The following TNKS2 variants were observed in gnomAD, a reference collection of about 807,000 sequenced individuals.
The protein encoded by TNKS2 is tankyrase 2.
A neutral mutation model predicts 137.6 loss-of-function variants in TNKS2; 72 were observed. The observed-to-expected ratio is 0.52, with a 90% confidence interval of 0.43 to 0.64. TNKS2 has a LOEUF of 0.64. Among genes scored for constraint, TNKS2 ranks in the 30% least tolerant of loss-of-function variants. The probability of loss-of-function intolerance (pLI) is 0.00; values close to 1 mark genes in which losing one functional copy is unlikely to be tolerated. For missense variants in TNKS2, 1,049 were observed against 1,410.2 expected, an observed-to-expected ratio of 0.74 and a Z score of 4.10; for synonymous variants, 516 against 512.1, an observed-to-expected ratio of 1.01 and a Z score of -0.10.
At chr10:91,856,706 T>C (rs556893289) in intron 23 of TNKS2, among the ~76,000 whole-genome samples, 3 of 152,344 alleles carry the variant, frequency 2.0e-5, no homozygotes, top group Admixed American at 2.0e-4. Context: ...TTGTTCCTTT[T>C]TAATGCATAA....
At chr10:91,815,678 C>A (rs1042140493) in intron 2 of TNKS2, among the ~76,000 whole-genome samples, 5 of 151,856 alleles carry the variant, frequency 3.3e-5, no homozygotes, top group African/African-American at 1.2e-4. Context: ...GAAATCTGTT[C>A]AAATTAATTT....
chr10:91,835,918 C>CT (rs1234716206), intron 12 of TNKS2, among the ~76,000 whole-genome samples: 1 of 150,304 alleles, frequency 6.7e-6, no homozygotes, highest in Non-Finnish European at 1.5e-5. Context: ...AACCATGTCT[C>CT]TTTTTTGTAT....
At chr10:91,861,713 G>A (rs1216467081) in intron 25 of TNKS2, among the ~76,000 whole-genome samples, 1 of 152,072 alleles carries the variant, frequency 6.6e-6, no homozygotes, top group Admixed American at 6.6e-5. Flanking sequence ...AGTGACTTTT[G>A]TTTTTTGCTG....
At chr10:91,807,967 G>T (rs1844382199) in intron 1 of TNKS2, among the ~76,000 whole-genome samples, 1 of 145,870 alleles carries the variant, frequency 6.9e-6, no homozygotes, top group Non-Finnish European at 1.5e-5. Flanking sequence ...CTGCACTTCA[G>T]CCTGGGGGAC....
rs532675978 is a variant in TNKS2 at position 91,854,622 on chromosome 10, G to A, written c.2816-407G>A. Among the ~76,000 whole-genome samples, 20 of 152,108 alleles carry A rather than the reference G, an allele frequency of 1.3e-4. 1 individual carries two copies. The highest frequency in any genetic ancestry group is 4.6e-4 in the African/African-American group (19 of 41,478). On this transcript the variant is annotated intron_variant, in intron 21 of 26. Transcript: ENST00000371627. ...AATGTTTTTAAAATTGATAGTAAGC[G>A]GCCAGGTGCAGTGGCTCACACCTGT...
chr10:91,855,401 T>C (rs1438841594), intron 22 of TNKS2, among the ~76,000 whole-genome samples: 1 of 152,224 alleles, frequency 6.6e-6, no homozygotes, highest in African/African-American at 2.4e-5. Flanking sequence ...TTGCCCAGGC[T>C]GGTCTTGAAC....
rs766036221 is a variant in TNKS2, at chr10:91,828,271, T to C, written c.983-14T>C. 1 of 1,553,058 alleles carries C rather than the reference T, an allele frequency of 6.4e-7. No homozygotes were observed. Among genetic ancestry groups the C allele is most frequent in the South Asian group, 1.2e-5 (1 of 81,640 alleles). ...TGAACTCGTTATACATGTAAATGCT[T>C]TTTCTTCATCTAGATGAATTTAAAG... On this transcript the variant is annotated splice_polypyrimidine_tract_variant and intron_variant, in intron 8 of 26. Transcript: ENST00000371627.
rs1353859540 is a variant in TNKS2, at chr10:91,864,001, A to G, written c.*1002A>G. ...TCTAAAGGGGAAAAAAAAAATCACAAACAGGACTGGGTAGTTTTTTATCCT... is the reference window on the plus strand; with the variant it reads ...TCTAAAGGGGAAAAAAAAAATCACAGACAGGACTGGGTAGTTTTTTATCCT... On this transcript the variant is annotated 3_prime_UTR_variant, in exon 27 of 27. Transcript: ENST00000371627. 3.3e-5 allele frequency: 5 copies of G among 152,150 alleles called. No individual in the cohort carries two copies. The highest frequency in any genetic ancestry group is 7.4e-5 in the Non-Finnish European group (5 of 68,020). The allele number at this position is 152,150 out of a possible 1,614,324, so 9.4% of individuals were successfully genotyped here. A position where few individuals can be genotyped will look rare whatever the true frequency, so the allele number is the denominator to read the frequency against.
intron 22 of TNKS2, 24 bp from the exon 23 acceptor site, chr10:91,855,590 T>C (rs1273598804): frequency 1.3e-6 from 2 of 1,592,222 alleles, no homozygotes; most frequent in Admixed American, 1.7e-5. Context: ...AATGCACATA[T>C]ATTTCAAACC....
At chr10:91,823,324 T>G (rs1240719043) in intron 7 of TNKS2, among the ~76,000 whole-genome samples, 267 of 16,088 alleles carry the variant, frequency 0.017, no homozygotes, top group Admixed American at 0.023. Flanking sequence ...TTTTTGGTTT[T>G]TTTTTTTTTT....
chr10:91,860,162 T>A (rs1842816925), intron 25 of TNKS2, among the ~76,000 whole-genome samples: 1 of 151,718 alleles, frequency 6.6e-6, no homozygotes, highest in East Asian at 1.9e-4. Context: ...TACTTTGCAC[T>A]TTTTTTTTCC....
intron 7 of TNKS2, among the ~76,000 whole-genome samples, chr10:91,824,253 A>C (rs1241828466): frequency 2.0e-5 from 3 of 152,190 alleles, no homozygotes; most frequent in East Asian, 3.9e-4. Flanking sequence ...GTCAATTGGC[A>C]ACACTTGCCT....
intron 2 of TNKS2, among the ~76,000 whole-genome samples, chr10:91,815,875 T>G (rs1178286410): frequency 6.6e-6 from 1 of 151,920 alleles, no homozygotes; most frequent in African/African-American, 2.4e-5. Context: ...GCTCCTTATT[T>G]AGAGAGTATA....
At chr10:91,799,041 A>G in intron 1 of TNKS2, 152 bp downstream of exon 1, 1 of 1,203,636 alleles carries the variant, frequency 8.3e-7, no homozygotes, top group Non-Finnish European at 1.0e-6. Flanking sequence ...GACTAAGGAG[A>G]TTAGGGGTAG....
At chr10:91,837,042 T>G in intron 13 of TNKS2, 44 bp downstream of exon 13, 1 of 1,590,036 alleles carries the variant, frequency 6.3e-7, no homozygotes, top group Non-Finnish European at 8.6e-7. Context: ...GGTTTTTATT[T>G]TGACATTGTT....
Position 91,814,824 on chromosome 10 carries a change from C to T in TNKS2, c.424+1617C>T, listed in dbSNP as rs535531672. Among the ~76,000 whole-genome samples, 5 of 152,284 alleles carry T rather than the reference C, an allele frequency of 3.3e-5. No homozygotes were observed. The East Asian group carries it at 7.7e-4, about 23-fold the overall frequency. On this transcript the variant is annotated intron_variant, in intron 2 of 26. Coordinates refer to ENST00000371627, the MANE Select transcript of TNKS2 (RefSeq NM_025235.4). Reference sequence around the variant, plus strand: ...GCATACTCTGGTGTTGGCACAATGACGGACTCACCTACCAATGCATTTCTC... The same window carrying T: ...GCATACTCTGGTGTTGGCACAATGATGGACTCACCTACCAATGCATTTCTC...
In TNKS2 at chr10:91,822,277, C is replaced by T. The variant is rs199689045; in HGVS notation, c.729-19C>T. ...GAAATCTATACTGAAACAGGATTTT[C>T]CCCCCCTTCTCATTGTAGTGATCTG... On this transcript the variant is annotated intron_variant, in intron 6 of 26. Coordinates refer to ENST00000371627, the MANE Select transcript of TNKS2 (RefSeq NM_025235.4). 30 of 1,589,920 alleles carry T rather than the reference C, an allele frequency of 1.9e-5. No homozygotes were observed. The Admixed American group carries it at 2.4e-4, about 13-fold the overall frequency.
chr10:91,839,292 G>A (rs1273473063), intron 13 of TNKS2, among the ~76,000 whole-genome samples: 1 of 152,034 alleles, frequency 6.6e-6, no homozygotes, highest in African/African-American at 2.4e-5. Context: ...ACAGAAAATT[G>A]ACTGTTTTCT....
chr10:91,815,118 A>G (rs1471896409), intron 2 of TNKS2, among the ~76,000 whole-genome samples: 1 of 152,202 alleles, frequency 6.6e-6, no homozygotes, highest in African/African-American at 2.4e-5. Context: ...TTTTGGACTC[A>G]TTGCCACCTT....
Sources: gnomAD v4.1 joint callset for allele counts (sites outside exome capture counted in the v4.1 genomes callset) on GRCh38, gnomAD v4.1.1 for gene constraint, MANE v1.5 for transcripts, NCBI Gene and HGNC (gene_info 2026-07-23, HGNC 2026-07-21) for gene names.